Variants in RAP1GAP observed in about 807,000 individuals in gnomAD.
The protein encoded by RAP1GAP is RAP1 GTPase activating protein, also known as rap1 GTPase-activating protein 1.
A neutral mutation model predicts 87.2 loss-of-function variants in RAP1GAP; 35 were observed. The observed-to-expected ratio is 0.40, with a 90% CI of 0.31 to 0.53. RAP1GAP has a LOEUF of 0.53. Among genes scored for constraint, RAP1GAP ranks in the 20% least tolerant of loss-of-function variants. The probability of loss-of-function intolerance (pLI) is 0.48; values close to 1 mark genes in which losing one functional copy is unlikely to be tolerated. For synonymous variants in RAP1GAP, 375 were observed against 363.9 expected, an observed-to-expected ratio of 1.03 and a Z score of -0.35; for missense variants, 734 against 898.9, an observed-to-expected ratio of 0.82 and a Z score of 2.35.
intron 2 of RAP1GAP, among the ~76,000 whole-genome samples, chr1:21,645,991 T>C (rs1317402496): frequency 6.6e-6 from 1 of 152,174 alleles, no homozygotes; most frequent in Non-Finnish European, 1.5e-5. Context: ...CTGTCAGTCT[T>C]GGTTCACCCC....
intron 1 of RAP1GAP, among the ~76,000 whole-genome samples, chr1:21,661,057 G>T (rs984304882): frequency 6.6e-6 from 1 of 152,150 alleles, no homozygotes; most frequent in Non-Finnish European, 1.5e-5. Flanking sequence ...TTCGAGAACA[G>T]CCTGGCCAAT....
In RAP1GAP at chr1:21,601,685, T is replaced by C; in HGVS notation, c.1651A>G (p.Arg551Gly). 6.3e-7 allele frequency: 1 copy of C among 1,599,362 alleles called. No homozygotes were observed. Among genetic ancestry groups the C allele is most frequent in the Non-Finnish European group, 8.5e-7 (1 of 1,170,618 alleles). ...SSPEMPTTKNRAETAAQRAEA... is the reference protein window; with the variant it reads ...SSPEMPTTKNGAETAAQRAEA... ...GCCCCACGTGCCCTGAGCCCCAACCTGTTCTTGGTCGTGGGCATCTCTGGG... is the reference window on the plus strand; with the variant it reads ...GCCCCACGTGCCCTGAGCCCCAACCCGTTCTTGGTCGTGGGCATCTCTGGG... The change falls in exon 20 of 25, where the codon AGA (arginine) becomes GGA (glycine). Residue 551 changes from arginine (R) to glycine (G), a missense_variant and splice_region_variant. Physicochemically the swap from Arg to Gly is moderately radical, Grantham distance 125. Around this residue, in one of 2 missense-constraint regions of RAP1GAP, gnomAD observed 249 missense variants for 252.7 expected, o/e 0.99. Transcript: ENST00000374765.
chr1:21,612,717 C>T (rs935624120), intron 10 of RAP1GAP, among the ~76,000 whole-genome samples: 1 of 152,240 alleles, frequency 6.6e-6, no homozygotes, highest in East Asian at 1.9e-4. Context: ...TCATCCAAGG[C>T]AGAAGCCCGT....
At chr1:21,660,813 C>T (rs2097128170) in intron 1 of RAP1GAP, among the ~76,000 whole-genome samples, 1 of 152,158 alleles carries the variant, frequency 6.6e-6, no homozygotes. Context: ...ACACTGTTGC[C>T]AGTAGGGTCT....
intron 1 of RAP1GAP, among the ~76,000 whole-genome samples, chr1:21,666,796 C>T (rs187925827): frequency 1.3e-5 from 2 of 152,180 alleles, no homozygotes; most frequent in East Asian, 3.9e-4. Context: ...AGGGCATCCT[C>T]GTGTTCTTCC....
At chr1:21,610,493 A>T (rs1416963446) in intron 13 of RAP1GAP, among the ~76,000 whole-genome samples, 1 of 152,238 alleles carries the variant, frequency 6.6e-6, no homozygotes, top group African/African-American at 2.4e-5. Flanking sequence ...ATGAGGGTAC[A>T]CTAATATCCC....
intron 3 of RAP1GAP, among the ~76,000 whole-genome samples, chr1:21,621,882 A>G (rs1424917991): frequency 6.6e-6 from 1 of 152,210 alleles, no homozygotes; most frequent in Non-Finnish European, 1.5e-5. Flanking sequence ...CCTGTCACCC[A>G]GAGTGTACAC....
intron 1 of RAP1GAP, among the ~76,000 whole-genome samples, chr1:21,660,345 A>ATATATATATATATATATTTATT: frequency 3.2e-5 from 3 of 92,636 alleles, no homozygotes; most frequent in South Asian, 3.8e-4. Flanking sequence ...TCAGCTATAT[A>ATATATATATATATATATTTATT]TATTTATTGA....
At chr1:21,638,329 T>C (rs775671030) in intron 2 of RAP1GAP, among the ~76,000 whole-genome samples, 1 of 151,874 alleles carries the variant, frequency 6.6e-6, no homozygotes, top group Non-Finnish European at 1.5e-5. Flanking sequence ...TGGTAGCGCA[T>C]GCTTGTAATC....
chr1:21,650,488 C>T (rs542322928), intron 1 of RAP1GAP, among the ~76,000 whole-genome samples: 15 of 151,972 alleles, frequency 9.9e-5, no homozygotes, highest in Admixed American at 7.8e-4. Flanking sequence ...ACCTTGGTGC[C>T]GCTGGGGGCA....
chr1:21,607,812 T>C (rs955809003), intron 17 of RAP1GAP, among the ~76,000 whole-genome samples: 3 of 151,924 alleles, frequency 2.0e-5, no homozygotes, highest in African/African-American at 7.3e-5. Flanking sequence ...AAAGCCCAAG[T>C]CCACTTCGAG....
chr1:21,652,916 G>C (rs1223010278), intron 1 of RAP1GAP, among the ~76,000 whole-genome samples: 2 of 152,166 alleles, frequency 1.3e-5, no homozygotes, highest in Admixed American at 1.3e-4. Flanking sequence ...CAGTCTCAAG[G>C]TTTGCTATGG....
At chr1:21,610,788 T>C (rs2077740046) in intron 13 of RAP1GAP, among the ~76,000 whole-genome samples, 1 of 152,166 alleles carries the variant, frequency 6.6e-6, no homozygotes. Flanking sequence ...TTGGTATACA[T>C]TCATGTTGCT....
At chr1:21,624,406 C>A (rs1406407018) in intron 3 of RAP1GAP, among the ~76,000 whole-genome samples, 1 of 152,212 alleles carries the variant, frequency 6.6e-6, no homozygotes, top group Non-Finnish European at 1.5e-5. Flanking sequence ...AGATGAGGAA[C>A]CTGAGGCCCA....
intron 1 of RAP1GAP, chr1:21,651,959 T>C (rs2152029366): frequency 1.3e-6 from 1 of 742,652 alleles, no homozygotes; most frequent in Non-Finnish European, 1.6e-6. Flanking sequence ...CGGGCCGCGG[T>C]CCAGCTGCCG....
At chr1:21,664,749 ATT>A (rs11286737) in intron 1 of RAP1GAP, among the ~76,000 whole-genome samples, 2 of 151,678 alleles carry the variant, frequency 1.3e-5, no homozygotes, top group South Asian at 2.1e-4. Flanking sequence ...AAGGCTTATT[ATT>A]TTTTTTTTCT....
At chr1:21,626,733 GC>G (rs1205531454) in intron 2 of RAP1GAP, among the ~76,000 whole-genome samples, 1 of 151,972 alleles carries the variant, frequency 6.6e-6, no homozygotes, top group East Asian at 1.9e-4. Context: ...TAAGCAGGGT[GC>G]CCCCGCCTCT....
At chr1:21,598,142 C>A in intron 22 of RAP1GAP, 78 bp from the exon 23 acceptor site, 1 of 964,890 alleles carries the variant, frequency 1.0e-6, no homozygotes, top group South Asian at 1.6e-5. Context: ...GGTGGGCGGT[C>A]GGCACCAGTG....
chr1:21,654,113 G>A (rs1484229242), intron 1 of RAP1GAP, among the ~76,000 whole-genome samples: 2 of 121,206 alleles, frequency 1.7e-5, no homozygotes, highest in Non-Finnish European at 3.5e-5. Context: ...AGTGGGGGTG[G>A]TTAGTGGGGG....
Sources: allele counts gnomAD v4.1 joint callset (sites outside exome capture counted in the v4.1 genomes callset), GRCh38; gene constraint gnomAD v4.1.1; regional missense constraint gnomAD v4.1.1; transcripts MANE v1.5; gene names NCBI Gene and HGNC (gene_info 2026-07-23, HGNC 2026-07-21).